The following FBXL3 variants were observed in gnomAD, a reference collection of about 807,000 sequenced individuals.
The protein encoded by FBXL3 is F-box/LRR-repeat protein 3.
FBXL3 carries 14 observed loss-of-function variants against 37.9 expected under a neutral mutation model. That is an observed-to-expected ratio of 0.37 (90% CI 0.24 to 0.58). The LOEUF is 0.58. Among genes scored for constraint, FBXL3 ranks in the 20% least tolerant of loss-of-function variants. The pLI, the probability that FBXL3 is intolerant of heterozygous loss-of-function variation, is 0.74. For synonymous variants in FBXL3, 194 were observed against 180.1 expected (o/e 1.08, Z -0.62); for missense variants, 327 against 511.1 (o/e 0.64, Z 3.47).
Position 77,007,624 on chromosome 13 carries a change from G to C in FBXL3, c.808C>G (p.His270Asp). The C allele has an allele frequency of 6.2e-7, 1 of 1,614,130 alleles. No individual in the cohort carries two copies. The highest frequency in any genetic ancestry group is 1.3e-5 in the African/African-American group (1 of 75,020). Residue 270 changes from histidine (H) to aspartate (D), a missense_variant, in exon 5 of 5, where the codon CAT becomes GAT. Coordinates refer to ENST00000355619, the MANE Select transcript of FBXL3 (RefSeq NM_012158.4). Reference protein sequence around the residue: ...VSENPGQTHFHTIQKSSWDAF... With the variant: ...VSENPGQTHFDTIQKSSWDAF... ...TCCCAGCTACTCTTCTGAATAGTAT[G>C]GAAGTGTGTCTGTCCAGGATTCTCA...
intron 1 of FBXL3, chr13:77,026,386 T>A (rs899091229): frequency 2.0e-6 from 2 of 984,938 alleles, no homozygotes; most frequent in African/African-American, 3.5e-5. Context: ...CGCCCCACCC[T>A]GGGCAGTTTG....
intron 3 of FBXL3, 106 bp from the exon 4 acceptor site, chr13:77,015,686 AT>A: frequency 4.1e-6 from 3 of 724,302 alleles, no homozygotes. Context: ...ACATATTAAT[AT>A]TTTGTAAATG....
rs2034458343 is a variant in FBXL3 at position 77,006,771 on chromosome 13, A to G, written c.*374T>C. The G allele has an allele frequency of 2.0e-6, 2 of 984,438 alleles. No individual in the cohort carries two copies. The highest frequency in any genetic ancestry group is 1.7e-5 in the African/African-American group (1 of 57,360). 61.0% of individuals were successfully genotyped at this position (984,438 alleles called of 1,614,324 possible). A position where few individuals can be genotyped will look rare whatever the true frequency, so the allele number is the denominator to read the frequency against. On this transcript the variant is annotated 3_prime_UTR_variant, in exon 5 of 5. Coordinates refer to ENST00000355619, the MANE Select transcript of FBXL3 (RefSeq NM_012158.4). ...TGTAACTGAAGACCCTAAAATGTCA[A>G]GTTTACATTTTTTTTTAAATGCATA...
intron 3 of FBXL3, chr13:77,017,820 T>C (rs2034671579): frequency 6.6e-6 from 1 of 152,138 alleles, no homozygotes; most frequent in Non-Finnish European, 1.5e-5. Flanking sequence ...ATATTCAATT[T>C]AGTTATATTC....
intron 4 of FBXL3, chr13:77,013,199 C>T (rs1295241685): frequency 6.6e-6 from 1 of 152,232 alleles, no homozygotes; most frequent in Non-Finnish European, 1.5e-5. Flanking sequence ...TATCTTGCTT[C>T]TAACCCTTAA....
intron 1 of FBXL3, among the ~76,000 whole-genome samples, chr13:77,025,446 G>A (rs2034819504): frequency 1.3e-5 from 2 of 152,156 alleles, no homozygotes; most frequent in Non-Finnish European, 2.9e-5. Flanking sequence ...TTTCCAGGTG[G>A]GCGCGGTGGG....
At chr13:77,021,375 AG>A (rs1366649713) in intron 2 of FBXL3, 137 bp downstream of exon 2, 1 of 589,862 alleles carries the variant, frequency 1.7e-6, no homozygotes, top group Non-Finnish European at 2.9e-6. Flanking sequence ...ACAGCTTCTA[AG>A]GTATACAATA....
At chr13:77,018,538 AAAAAG>A in intron 3 of FBXL3, 57 bp downstream of exon 3, 1 of 1,410,770 alleles carries the variant, frequency 7.1e-7, no homozygotes, top group Non-Finnish European at 9.4e-7. Flanking sequence ...AATACAAAAA[AAAAAG>A]ATTAGACTTT....
Position 77,026,064 on chromosome 13 carries a change from C to CT in FBXL3, c.-2+762dup, listed in dbSNP as rs1353121101. ...ATAAATATTTCAGAGATAACAGAAA[C>CT]TAAGTTACTTTTTTTTCAAGTTAGA... is the stretch of plus-strand genomic sequence containing the variant. On this transcript the variant is annotated intron_variant, in intron 1 of 4. Coordinates refer to ENST00000355619, the MANE Select transcript of FBXL3 (RefSeq NM_012158.4). 3 of 532,246 alleles carry CT rather than the reference C, an allele frequency of 5.6e-6. No individual in the cohort carries two copies. The African/African-American group carries it at 6.2e-5, about 11-fold the overall frequency. 33.0% of individuals were successfully genotyped at this position (532,246 alleles called of 1,614,324 possible).
intron 4 of FBXL3, chr13:77,013,263 G>A (rs1187090550): frequency 1.3e-5 from 2 of 152,084 alleles, no homozygotes; most frequent in Admixed American, 6.5e-5. Flanking sequence ...GAAGGAATTC[G>A]GTTCACGGTT....
chr13:77,024,823 A>G (rs1349538063), intron 1 of FBXL3, among the ~76,000 whole-genome samples: 3 of 152,200 alleles, frequency 2.0e-5, no homozygotes, highest in Non-Finnish European at 2.9e-5. Context: ...GTCATACGTA[A>G]TATGTCTATG....
rs2034448283 is a variant in FBXL3 at position 77,006,110 on chromosome 13, T to C, written c.*1035A>G. ...TGTCCTCTTTAAAATTTGCTGTTTA[T>C]GCTAGACTGTACAATGGTGCTCCCT... On this transcript the variant is annotated 3_prime_UTR_variant, in exon 5 of 5. Transcript: ENST00000355619. 1 of 152,600 alleles carries C rather than the reference T, an allele frequency of 6.6e-6. No homozygotes were observed. The highest frequency in any genetic ancestry group is 2.4e-5 in the African/African-American group (1 of 41,464). 9.5% of individuals were successfully genotyped at this position (152,600 alleles called of 1,614,324 possible).
chr13:77,026,404 A>C (rs2034839093), intron 1 of FBXL3: 2 of 978,222 alleles, frequency 2.0e-6, no homozygotes, highest in Non-Finnish European at 1.2e-6. Flanking sequence ...TTGCTTTGAC[A>C]TTTCAGTGCC....
At chr13:77,023,345 AGTGTGTGT>A (rs3037568) in intron 1 of FBXL3, among the ~76,000 whole-genome samples, 3 of 147,504 alleles carry the variant, frequency 2.0e-5, no homozygotes, top group African/African-American at 5.0e-5. Context: ...AGAGAGAGAG[AGTGTGTGT>A]GTGTGTGTGT....
intron 1 of FBXL3, among the ~76,000 whole-genome samples, chr13:77,025,919 CAAGAAT>C: frequency 6.6e-6 from 1 of 152,208 alleles, no homozygotes; most frequent in East Asian, 1.9e-4. Context: ...GGCTGAACTA[CAAGAAT>C]AAAACACTAT....
chr13:77,025,712 A>AC (rs1555276983), intron 1 of FBXL3, among the ~76,000 whole-genome samples: 149 of 148,064 alleles, frequency 1.0e-3, no homozygotes, highest in Non-Finnish European at 1.4e-3. Context: ...AAAAAAAAAA[A>AC]CTTTGAAAGA....
chr13:77,016,543 T>C (rs2034646069), intron 3 of FBXL3: 1 of 151,558 alleles, frequency 6.6e-6, no homozygotes, highest in African/African-American at 2.4e-5. Flanking sequence ...AACATTACTT[T>C]TTTTTTTTTT....
rs1593928803 is a variant in FBXL3 at position 77,015,467 on chromosome 13, G to T, written c.585C>A (p.Asn195Lys). The T allele has an allele frequency of 3.1e-6, 5 of 1,607,388 alleles. No individual in the cohort carries two copies. Among genetic ancestry groups the T allele is most frequent in the African/African-American group, 1.3e-5 (1 of 74,666 alleles). Residue 195 changes from asparagine to lysine, a missense_variant, in exon 4 of 5, where the codon AAC (asparagine) becomes AAA (lysine). Coordinates refer to ENST00000355619, the MANE Select transcript of FBXL3 (RefSeq NM_012158.4). ...DDPSLKVLVA[N>K]NSDTLKLLKM... ...TCAACAGCTTGAGTGTATCACTATT[G>T]TTGGCCACTAGTACTTTGAGAGATG...
At chr13:77,026,517 C>T in intron 1 of FBXL3, 1 of 440,136 alleles carries the variant, frequency 2.3e-6, no homozygotes, top group Non-Finnish European at 3.0e-6. Flanking sequence ...GGTCATAAAG[C>T]CTGGCAGGAG....
Sources: allele counts gnomAD v4.1 joint callset (sites outside exome capture counted in the v4.1 genomes callset), GRCh38; gene constraint gnomAD v4.1.1; transcripts MANE v1.5; gene names NCBI Gene and HGNC (gene_info 2026-07-23, HGNC 2026-07-21).